Variants in ANGPT2 observed in about 807,000 individuals in gnomAD.
The protein encoded by ANGPT2 is angiopoietin 2.
A neutral mutation model predicts 62.9 loss-of-function variants in ANGPT2; 28 were observed. The observed-to-expected ratio is 0.44, with a 90% CI of 0.33 to 0.61. The LOEUF (loss-of-function observed/expected upper bound fraction) is 0.61, where lower values mean the gene tolerates loss of function less well. Among genes scored for constraint, ANGPT2 ranks in the 20% least tolerant of loss-of-function variants. The probability of loss-of-function intolerance (pLI) is 0.03; values close to 1 mark genes in which losing one functional copy is unlikely to be tolerated. For missense variants in ANGPT2, 727 were observed against 594.9 expected (o/e 1.22, Z -2.31); for synonymous variants, 284 against 207.8 (o/e 1.37, Z -3.15).
rs977681903 is a variant in ANGPT2, at chr8:6,545,613, G to A, written c.289-13126C>T. Reference sequence around the variant, plus strand: ...TTCGTAATCTGACATTCCAAAACACGATTCTTTCCGGATCAAGCATAAAAG... The same window carrying A: ...TTCGTAATCTGACATTCCAAAACACAATTCTTTCCGGATCAAGCATAAAAG... On this transcript the variant is annotated intron_variant, in intron 1 of 8. Transcript: ENST00000629816. Among the ~76,000 whole-genome samples, 16 of 152,298 alleles carry A rather than the reference G, an allele frequency of 1.1e-4. No individual in the cohort carries two copies. In the South Asian group the frequency reaches 1.7e-3, roughly 16 times the overall value.
intron 3 of ANGPT2, among the ~76,000 whole-genome samples, chr8:6,524,553 G>T (rs1420094985): frequency 1.3e-5 from 2 of 152,198 alleles, no homozygotes; most frequent in Admixed American, 6.5e-5. Context: ...GTTGGGTTCA[G>T]ATCACGTCTT....
In ANGPT2 at chr8:6,500,828, T is replaced by C. The variant is rs1265345523; in HGVS notation, c.*2273A>G. On this transcript the variant is annotated 3_prime_UTR_variant, in exon 9 of 9. Coordinates refer to ENST00000629816, the MANE Select transcript of ANGPT2 (RefSeq NM_001118887.2). ...CCATTCTCGCTCATAAGAGATTATA[T>C]ATGATGCACAATGACATAATGAGAT... The C allele has an allele frequency of 1.3e-5, 2 of 152,198 alleles. No homozygotes were observed. Among genetic ancestry groups the C allele is most frequent in the African/African-American group, 2.4e-5 (1 of 41,448 alleles). The allele number at this position is 152,198 out of a possible 1,614,324, so 9.4% of individuals were successfully genotyped here.
At chr8:6,521,043 T>G in intron 4 of ANGPT2, 135 bp downstream of exon 4, 1 of 644,570 alleles carries the variant, frequency 1.6e-6, no homozygotes, top group Non-Finnish European at 2.6e-6. Flanking sequence ...CTTCCTTCAT[T>G]TTAATTGGTA....
At chr8:6,521,445 T>A (rs1817315947) in intron 3 of ANGPT2, 35 bp from the exon 4 acceptor site, 1 of 1,394,726 alleles carries the variant, frequency 7.2e-7, no homozygotes, top group African/African-American at 1.4e-5. Context: ...TAGTGAAGGC[T>A]ATTCTAATGA....
rs947050163 is a variant in ANGPT2 at position 6,501,652 on chromosome 8, G to C, written c.*1449C>G. On this transcript the variant is annotated 3_prime_UTR_variant, in exon 9 of 9. Coordinates refer to ENST00000629816, the MANE Select transcript of ANGPT2 (RefSeq NM_001118887.2). ...TCACTGCAACCTCTACCTCCCTGGT[G>C]CAAGCAATTCTCCCTGCCTCAGCCT... The C allele has an allele frequency of 1.3e-5, 2 of 149,306 alleles. No homozygotes were observed. The highest frequency in any genetic ancestry group is 5.0e-5 in the African/African-American group (2 of 40,398). The allele number at this position is 149,306 out of a possible 1,614,324, so 9.2% of individuals were successfully genotyped here. A position where few individuals can be genotyped will look rare whatever the true frequency, so the allele number is the denominator to read the frequency against.
intron 1 of ANGPT2, among the ~76,000 whole-genome samples, chr8:6,533,199 C>CT (rs1364795843): frequency 2.0e-5 from 3 of 152,220 alleles, no homozygotes; most frequent in Non-Finnish European, 4.4e-5. Flanking sequence ...TGGTTCTTCT[C>CT]TCCCTCAGTT....
In ANGPT2 at chr8:6,503,119, G is replaced by A. The variant is rs765336180; in HGVS notation, c.1470C>T (p.Ile490=). 2 of 1,614,044 alleles carry A rather than the reference G, an allele frequency of 1.2e-6. No homozygotes were observed. Among genetic ancestry groups the A allele is most frequent in the African/African-American group, 1.3e-5 (1 of 74,908 alleles). Residue 490 remains isoleucine (I), a synonymous_variant, in exon 9 of 9, where the codon ATC becomes ATT. Transcript: ENST00000629816. ...GGGATGTTTAGAAATCTGCTGGTCG[G>A]ATCATCATGGTTGTGGCCTTGAGCG... ...GYSLKATTMM[I]RPADF
At chr8:6,504,035 G>A (rs777140834) in intron 8 of ANGPT2, among the ~76,000 whole-genome samples, 27 of 152,226 alleles carry the variant, frequency 1.8e-4, no homozygotes, top group Admixed American at 3.3e-4. Context: ...TCTATAAGCA[G>A]GGGCCGGGCG....
At chr8:6,523,121 C>T (rs1276118685) in intron 3 of ANGPT2, among the ~76,000 whole-genome samples, 3 of 152,034 alleles carry the variant, frequency 2.0e-5, no homozygotes, top group Non-Finnish European at 2.9e-5. Context: ...CCTCAGTCTC[C>T]CGAGTAGCTG....
chr8:6,525,673 A>C (rs1419024094), intron 3 of ANGPT2, among the ~76,000 whole-genome samples: 1 of 151,714 alleles, frequency 6.6e-6, no homozygotes, highest in East Asian at 1.9e-4. Context: ...AGTCAGAATT[A>C]AGGTAGAAAA....
At chr8:6,540,133 C>G (rs1437279569) in intron 1 of ANGPT2, among the ~76,000 whole-genome samples, 1 of 152,172 alleles carries the variant, frequency 6.6e-6, no homozygotes, top group Non-Finnish European at 1.5e-5. Context: ...CTGGCAAATC[C>G]TATCCGCTTT....
intron 1 of ANGPT2, among the ~76,000 whole-genome samples, chr8:6,546,216 G>A (rs960689645): frequency 2.0e-5 from 3 of 152,222 alleles, no homozygotes; most frequent in Admixed American, 6.5e-5. Context: ...CTGGGTCCTT[G>A]CAGCAAACAA....
intron 3 of ANGPT2, among the ~76,000 whole-genome samples, chr8:6,521,939 G>A (rs1440276992): frequency 6.6e-6 from 1 of 152,168 alleles, no homozygotes; most frequent in Non-Finnish European, 1.5e-5. Flanking sequence ...TCAAGTACTG[G>A]CTTACCAGCC....
rs371329613 is a variant in ANGPT2, at chr8:6,531,451, G to C, written c.444+881C>G. On this transcript the variant is annotated intron_variant, in intron 2 of 8. Transcript: ENST00000629816. ...TTGCAGATGCCCGCCACCACACCTG[G>C]CTAATTTGTTTGTATTTTTTAGTAG... Among the ~76,000 whole-genome samples the C allele has an allele frequency of 1.7e-3, 252 of 151,948 alleles. 1 individual carries two copies. Among genetic ancestry groups the C allele is most frequent in the African/African-American group, 6.0e-3 (247 of 41,444 alleles).
intron 1 of ANGPT2, among the ~76,000 whole-genome samples, chr8:6,541,959 G>T (rs1378716610): frequency 1.3e-5 from 2 of 148,424 alleles, no homozygotes; most frequent in Non-Finnish European, 3.0e-5. Context: ...AGTGAGCCGT[G>T]ATCGTGCCAC....
At chr8:6,531,024 C>G (rs964316396) in intron 2 of ANGPT2, among the ~76,000 whole-genome samples, 2 of 152,060 alleles carry the variant, frequency 1.3e-5, no homozygotes, top group Non-Finnish European at 2.9e-5. Context: ...TTCCTTATAG[C>G]CCAGAGTAGG....
At chr8:6,530,508 CAAAAAA>C (rs55729820) in intron 2 of ANGPT2, among the ~76,000 whole-genome samples, 22,629 of 98,266 alleles carry the variant, frequency 0.23, 2,315 homozygotes, top group African/African-American at 0.39. Context: ...GACTCTGTCT[CAAAAAA>C]AAAAAAAAAA....
intron 6 of ANGPT2, among the ~76,000 whole-genome samples, chr8:6,514,239 G>C (rs1397776371): frequency 1.7e-4 from 26 of 152,166 alleles, no homozygotes. Flanking sequence ...GCCCAGGCTG[G>C]AGTGCAGTGG....
chr8:6,537,758 C>G (rs1353748036), intron 1 of ANGPT2, among the ~76,000 whole-genome samples: 5 of 151,790 alleles, frequency 3.3e-5, no homozygotes, highest in African/African-American at 1.2e-4. Context: ...ATTTTTTATA[C>G]CAAAAGAAAA....
Sources: allele counts gnomAD v4.1 joint callset (sites outside exome capture counted in the v4.1 genomes callset), GRCh38; gene constraint gnomAD v4.1.1; transcripts MANE v1.5; gene names NCBI Gene and HGNC (gene_info 2026-07-23, HGNC 2026-07-21).